Variants in SLC1A2 observed in about 807,000 individuals in gnomAD.
SLC1A2 encodes the protein excitatory amino acid transporter 2.
A neutral mutation model predicts 48.8 loss-of-function variants in SLC1A2; 15 were observed. The observed-to-expected ratio is 0.31, with a 90% CI of 0.21 to 0.47. SLC1A2 has a LOEUF of 0.47. Among genes scored for constraint, SLC1A2 ranks in the 20% least tolerant of loss-of-function variants. SLC1A2 has a pLI of 0.99. For synonymous variants in SLC1A2, 279 were observed against 272.6 expected (o/e 1.02, Z -0.23); for missense variants, 502 against 730.5 (o/e 0.69, Z 3.61).
At chr11:35,342,337 C>T (rs1431412529) in intron 1 of SLC1A2, among the ~76,000 whole-genome samples, 1 of 152,106 alleles carries the variant, frequency 6.6e-6, no homozygotes, top group Admixed American at 6.6e-5. Context: ...AGGAAGTTAT[C>T]CAGGATGTAC....
chr11:35,265,747 C>T lies in SLC1A2; in HGVS notation c.1433G>A (p.Arg478Lys). 6.2e-7 allele frequency: 1 copy of T among 1,609,404 alleles called. No homozygotes were observed. Among genetic ancestry groups the T allele is most frequent in the Non-Finnish European group, 8.5e-7 (1 of 1,175,948 alleles). Residue 478 changes from arginine (R) to lysine (K), a missense_variant, in exon 10 of 11, where the codon AGA (arginine) becomes AAA (lysine). Transcript: ENST00000278379. Reference protein sequence around the residue: ...VAVDWLLDRMRTSVNVVGDSF... With the variant: ...VAVDWLLDRMKTSVNVVGDSF... ...GTCACCCACAACATTGACTGAAGTT[C>T]TCATCCTGTCCCTGGGGACAAAGAA... is the stretch of plus-strand genomic sequence containing the variant.
chr11:35,369,718 C>T (rs1345828022), intron 1 of SLC1A2, among the ~76,000 whole-genome samples: 3 of 152,202 alleles, frequency 2.0e-5, no homozygotes, highest in African/African-American at 4.8e-5. Context: ...TTAAGCTCTG[C>T]CTTGCAAGTG....
Position 35,419,134 on chromosome 11 carries a change from G to T in SLC1A2, c.-168C>A. Reference sequence around the variant, plus strand: ...TAAGCCCTTTAGCGCCTCAACGGGCGCAGGAGGCTCCTGCGGGCGCTAATC... The same window carrying T: ...TAAGCCCTTTAGCGCCTCAACGGGCTCAGGAGGCTCCTGCGGGCGCTAATC... On this transcript the variant is annotated 5_prime_UTR_variant, in exon 1 of 11. Transcript: ENST00000278379. The surrounding 1 kb of genome is among the most constrained non-coding windows in gnomAD (Gnocchi z 5.4). The T allele has an allele frequency of 1.9e-6, 1 of 521,268 alleles. No individual in the cohort carries two copies. Among genetic ancestry groups the T allele is most frequent in the East Asian group, 3.5e-5 (1 of 28,622 alleles). 32.3% of individuals were successfully genotyped at this position (521,268 alleles called of 1,614,324 possible).
rs1475050084 is a variant in SLC1A2, at chr11:35,253,530, A to G, written c.*7364T>C. The G allele has an allele frequency of 6.6e-6, 1 of 152,632 alleles. No individual in the cohort carries two copies. The highest frequency in any genetic ancestry group is 2.4e-5 in the African/African-American group (1 of 41,450). The allele number at this position is 152,632 out of a possible 1,614,324, so 9.5% of individuals were successfully genotyped here. A position where few individuals can be genotyped will look rare whatever the true frequency, so the allele number is the denominator to read the frequency against. ...AAGCAAAATGAGAATGCTCAGCTGG[A>G]AAAACAAGGCCTGGTGTCAAACATT... On this transcript the variant is annotated 3_prime_UTR_variant, in exon 11 of 11. Transcript: ENST00000278379.
chr11:35,384,374 G>T (rs1277439038), intron 1 of SLC1A2, among the ~76,000 whole-genome samples: 1 of 152,174 alleles, frequency 6.6e-6, no homozygotes, highest in African/African-American at 2.4e-5. Flanking sequence ...CTCCTGGATT[G>T]TCTGAGTTCT....
intron 1 of SLC1A2, among the ~76,000 whole-genome samples, chr11:35,387,511 C>T (rs12226024): frequency 6.6e-6 from 1 of 152,188 alleles, no homozygotes; most frequent in Non-Finnish European, 1.5e-5. Context: ...TGACTATGTC[C>T]CAGACAAAGC....
chr11:35,334,533 G>A (rs752391364), intron 1 of SLC1A2, among the ~76,000 whole-genome samples: 7 of 152,164 alleles, frequency 4.6e-5, no homozygotes, highest in Non-Finnish European at 1.0e-4. Context: ...CAAGTGATGC[G>A]TCATCTCACC....
chr11:35,277,884 TC>T (rs1302872952), intron 9 of SLC1A2, among the ~76,000 whole-genome samples: 1 of 152,252 alleles, frequency 6.6e-6, no homozygotes, highest in Non-Finnish European at 1.5e-5. Flanking sequence ...TGTCTTTATT[TC>T]CCTTTTGTCC....
chr11:35,292,875 T>A (rs1851056798), intron 6 of SLC1A2, among the ~76,000 whole-genome samples: 1 of 152,172 alleles, frequency 6.6e-6, no homozygotes, highest in Non-Finnish European at 1.5e-5. Context: ...TGTTCCTCAG[T>A]TCCTTCCTAG....
chr11:35,324,411 AG>A (rs1461270269), intron 1 of SLC1A2, among the ~76,000 whole-genome samples: 1 of 152,236 alleles, frequency 6.6e-6, no homozygotes, highest in Non-Finnish European at 1.5e-5. Flanking sequence ...CAAGACATTT[AG>A]TCATTTGGAC....
In SLC1A2 at chr11:35,302,330, A is replaced by G. The variant is rs544989359; in HGVS notation, c.731-685T>C. On this transcript the variant is annotated intron_variant, in intron 5 of 10. Coordinates refer to ENST00000278379, the MANE Select transcript of SLC1A2 (RefSeq NM_004171.4). ...AATTATTTTCATGATTGAAATGGTT[A>G]GAATGCTTTTTTAATTTTATTTATT... is the stretch of plus-strand genomic sequence containing the variant. 1.9e-3 allele frequency among the ~76,000 whole-genome samples: 295 copies of G among 152,324 alleles called. 1 individual carries two copies. The highest frequency in any genetic ancestry group is 6.9e-3 in the African/African-American group (285 of 41,576).
intron 1 of SLC1A2, among the ~76,000 whole-genome samples, chr11:35,396,091 G>A (rs1236700976): frequency 2.9e-5 from 4 of 138,136 alleles, no homozygotes; most frequent in Non-Finnish European, 6.1e-5. Context: ...GGACATTTGG[G>A]TTGGTTCCAA....
At chr11:35,278,749 T>A (rs1394883339) in intron 9 of SLC1A2, among the ~76,000 whole-genome samples, 1 of 152,076 alleles carries the variant, frequency 6.6e-6, no homozygotes. Context: ...CTGGGCACAG[T>A]GGCTCACCCG....
chr11:35,280,911 C>T lies in SLC1A2; in HGVS notation c.1377G>A (p.Leu459=). ...CCAGCAGGCTGATGTCCTCTGTTGG[C>T]AGGCCCACGGCTGTCAGAATGAGGA... The part of the protein sequence containing the change: ...TMLLILTAVG[L]PTEDISLLVA... The change falls in exon 9 of 11, where the codon CTG becomes CTA. Residue 459 remains leucine, a synonymous_variant. Transcript: ENST00000278379. 1 of 1,613,106 alleles carries T rather than the reference C, an allele frequency of 6.2e-7. No homozygotes were observed. Among genetic ancestry groups the T allele is most frequent in the South Asian group, 1.1e-5 (1 of 90,894 alleles).
intron 9 of SLC1A2, among the ~76,000 whole-genome samples, chr11:35,275,739 C>G (rs1297285170): frequency 6.6e-6 from 1 of 152,194 alleles, no homozygotes; most frequent in Non-Finnish European, 1.5e-5. Context: ...TGAAAAATTG[C>G]TAGAGTTATG....
rs768185879 is a variant in SLC1A2 at position 35,301,638 on chromosome 11, T to C, written c.738A>G (p.Ile246Met). Residue 246 changes from isoleucine to methionine, a missense_variant, in exon 6 of 11, where the codon ATA (isoleucine) becomes ATG (methionine). This residue lies in a region of SLC1A2 where 309 missense variants were observed against 480.3 expected (regional missense o/e 0.64). Transcript: ENST00000278379. ...FKDGMNVLGL[I>M]GFFIAFGIAM... ...CGATGCCAAAAGCAATGAAAAACCC[T>C]ATCAGACCTGTTGGATGAATCACAT... The C allele has an allele frequency of 1.9e-6, 3 of 1,613,616 alleles. No individual in the cohort carries two copies. Among genetic ancestry groups the C allele is most frequent in the Non-Finnish European group, 2.5e-6 (3 of 1,179,656 alleles).
chr11:35,379,781 A>G (rs942349876), intron 1 of SLC1A2, among the ~76,000 whole-genome samples: 4 of 152,228 alleles, frequency 2.6e-5, no homozygotes, highest in African/African-American at 9.6e-5. Context: ...AAACCGGCCA[A>G]TTGAAAGCTT....
chr11:35,311,871 GGAGAGAGAGAGAGAGAGAGAGGGAGGGA>G (rs1851699575), intron 4 of SLC1A2, among the ~76,000 whole-genome samples: 3 of 83,322 alleles, frequency 3.6e-5, no homozygotes, highest in Non-Finnish European at 7.0e-5. Flanking sequence ...ATAGATATAA[GGAGAGAGAGAGAGAGAGAGAGGGAGGGA>G]GAGAGAGAGA....
chr11:35,418,594 T>G, intron 1 of SLC1A2: 1 of 221,594 alleles, frequency 4.5e-6, no homozygotes, highest in Non-Finnish European at 8.8e-6. Context: ...GGCGCCGCGC[T>G]CCAGGCGCTG....
Sources: allele counts gnomAD v4.1 joint callset (sites outside exome capture counted in the v4.1 genomes callset), GRCh38; gene constraint gnomAD v4.1.1; regional missense constraint gnomAD v4.1.1; non-coding constraint Gnocchi (gnomAD v3.1); transcripts MANE v1.5; gene names NCBI Gene and HGNC (gene_info 2026-07-23, HGNC 2026-07-21).